The following FHIT variants were observed in gnomAD, a reference collection of about 807,000 sequenced individuals.
The protein encoded by FHIT is fragile histidine triad diadenosine triphosphatase, also known as bis(5'-adenosyl)-triphosphatase.
FHIT carries 19 observed loss-of-function variants against 17.9 expected under a neutral mutation model. The observed-to-expected ratio is 1.06, with a 90% CI of 0.74 to 1.56. The LOEUF (loss-of-function observed/expected upper bound fraction) is 1.56. Among genes scored for constraint, FHIT ranks in the 40% most tolerant of loss-of-function variants. The pLI is 0.00. For synonymous variants in FHIT, 81 were observed against 69.7 expected (o/e 1.16, Z -0.81); for missense variants, 248 against 189.2 (o/e 1.31, Z -1.82).
At chr3:60,113,996 C>T (rs1704807212) in intron 5 of FHIT, among the ~76,000 whole-genome samples, 2 of 17,188 alleles carry the variant, frequency 1.2e-4, no homozygotes, top group Admixed American at 1.2e-3. Context: ...AACAAGACCC[C>T]GTCTCCAAAA....
intron 3 of FHIT, among the ~76,000 whole-genome samples, chr3:60,949,441 T>C (rs551928932): frequency 1.4e-4 from 21 of 152,166 alleles, no homozygotes; most frequent in Non-Finnish European, 2.8e-4. Context: ...CAAGGGAAAG[T>C]ATATTTTTAG....
rs1708616072 is a variant in FHIT, at chr3:59,980,707, G to C, written c.279+30664C>G. Among the ~76,000 whole-genome samples, 2 of 152,142 alleles carry C rather than the reference G, an allele frequency of 1.3e-5. 1 individual carries two copies. The highest frequency in any genetic ancestry group is 4.1e-4 in the South Asian group (2 of 4,832). The stretch of plus-strand genomic sequence containing the variant: ...CTGCCTCATCCCTTCCACCATGTGA[G>C]GACACAGGGAGAAGATAGCATCTAT... On this transcript the variant is annotated intron_variant, in intron 7 of 9. Coordinates refer to ENST00000492590, the MANE Select transcript of FHIT (RefSeq NM_002012.4).
intron 5 of FHIT, among the ~76,000 whole-genome samples, chr3:60,416,089 GA>G (rs1214867062): frequency 2.6e-5 from 4 of 151,214 alleles, no homozygotes; most frequent in African/African-American, 9.7e-5. Context: ...TAAAATAGTG[GA>G]AAAAACATAA....
intron 5 of FHIT, among the ~76,000 whole-genome samples, chr3:60,431,697 C>T (rs1032928567): frequency 1.2e-4 from 18 of 151,976 alleles, no homozygotes; most frequent in Admixed American, 1.1e-3. Context: ...TTCCTAAGCA[C>T]CTCACTGACA....
intron 5 of FHIT, among the ~76,000 whole-genome samples, chr3:60,367,601 T>C (rs534420634): frequency 7.2e-5 from 11 of 152,244 alleles, no homozygotes; most frequent in Non-Finnish European, 1.6e-4. Context: ...TGCCTTGATT[T>C]ATTATGCAAA....
At chr3:61,208,955 T>G (rs4688350) in intron 1 of FHIT, among the ~76,000 whole-genome samples, 1 of 151,580 alleles carries the variant, frequency 6.6e-6, no homozygotes, top group Non-Finnish European at 1.5e-5. Context: ...TGGCTGGTAC[T>G]GGTTGTTCCT....
At chr3:61,011,287 CAT>C (rs2031774490) in intron 3 of FHIT, among the ~76,000 whole-genome samples, 1 of 152,124 alleles carries the variant, frequency 6.6e-6, no homozygotes, top group African/African-American at 2.4e-5. Context: ...GTGCAAAAGA[CAT>C]AGATTCCAAA....
chr3:60,070,078 G>C (rs552602523), intron 5 of FHIT, among the ~76,000 whole-genome samples: 1 of 152,088 alleles, frequency 6.6e-6, no homozygotes, highest in Non-Finnish European at 1.5e-5. Context: ...TCCCTCACAA[G>C]GTGTGGACCA....
intron 4 of FHIT, among the ~76,000 whole-genome samples, chr3:60,549,963 G>A (rs997901871): frequency 6.6e-6 from 1 of 152,174 alleles, no homozygotes; most frequent in Non-Finnish European, 1.5e-5. Context: ...AGGCACGAAT[G>A]TCTTTGGGGG....
intron 4 of FHIT, among the ~76,000 whole-genome samples, chr3:60,661,683 G>A (rs2040250828): frequency 6.6e-6 from 1 of 152,110 alleles, no homozygotes. Flanking sequence ...GTGTAAAAGT[G>A]TTCCTTTTCA....
At chr3:61,170,957 A>G (rs1450454752) in intron 2 of FHIT, among the ~76,000 whole-genome samples, 1 of 152,166 alleles carries the variant, frequency 6.6e-6, no homozygotes, top group East Asian at 1.9e-4. Context: ...ATACCCAAAA[A>G]ATACCAATGG....
intron 4 of FHIT, among the ~76,000 whole-genome samples, chr3:60,693,752 T>C (rs2041048355): frequency 6.6e-6 from 1 of 152,328 alleles, no homozygotes. Flanking sequence ...ACACTATAGT[T>C]TAGTGAATAG....
chr3:60,282,820 G>A (rs1271916200), intron 5 of FHIT, among the ~76,000 whole-genome samples: 1 of 152,002 alleles, frequency 6.6e-6, no homozygotes, highest in African/African-American at 2.4e-5. Context: ...AACATACCTA[G>A]GATGATCTCT....
chr3:61,246,872 A>T (rs73098998), intron 1 of FHIT, among the ~76,000 whole-genome samples: 1 of 152,010 alleles, frequency 6.6e-6, no homozygotes, highest in Non-Finnish European at 1.5e-5. Context: ...TTTTAAAAAA[A>T]TTTAAAAAAA....
intron 5 of FHIT, among the ~76,000 whole-genome samples, chr3:60,233,473 T>G (rs951976947): frequency 6.6e-6 from 1 of 151,890 alleles, no homozygotes; most frequent in Admixed American, 6.6e-5. Flanking sequence ...TCCAACAAAC[T>G]CCTCAGAGAG....
At chr3:61,245,371 C>T (rs2040465344) in intron 1 of FHIT, among the ~76,000 whole-genome samples, 2 of 152,140 alleles carry the variant, frequency 1.3e-5, no homozygotes, top group Admixed American at 1.3e-4. Flanking sequence ...GTAGCAGAAC[C>T]AAGATTAAAG....
chr3:60,506,211 T>G (rs954892361), intron 5 of FHIT, among the ~76,000 whole-genome samples: 2 of 152,204 alleles, frequency 1.3e-5, no homozygotes, highest in African/African-American at 4.8e-5. Context: ...CAAACACTGG[T>G]TACATAGCAC....
At chr3:60,205,830 T>C (rs761973299) in intron 5 of FHIT, among the ~76,000 whole-genome samples, 2 of 151,938 alleles carry the variant, frequency 1.3e-5, no homozygotes, top group South Asian at 2.1e-4. Flanking sequence ...CACTTAAGGC[T>C]GGGCGCGGTG....
At chr3:60,003,362 T>C (rs1367591073) in intron 7 of FHIT, among the ~76,000 whole-genome samples, 1 of 152,178 alleles carries the variant, frequency 6.6e-6, no homozygotes, top group Non-Finnish European at 1.5e-5. Context: ...TAACTACTAG[T>C]CAAAAGTTTG....
Sources: allele counts gnomAD v4.1 joint callset (sites outside exome capture counted in the v4.1 genomes callset), GRCh38; gene constraint gnomAD v4.1.1; transcripts MANE v1.5; gene names NCBI Gene and HGNC (gene_info 2026-07-23, HGNC 2026-07-21).